HOTAIR: variants seen among roughly 807,000 people sequenced by gnomAD.
The protein encoded by HOTAIR is HOX transcript antisense RNA.
chr12:53,968,091 G>A (rs960233451), intron 2 of HOTAIR: 25 of 152,174 alleles, frequency 1.6e-4, no homozygotes, highest in African/African-American at 4.3e-4. Context: ...GCCCAGGCAG[G>A]AACACTTAAA....
chr12:53,962,894 A>G, exon 7 of HOTAIR: 1 of 152,324 alleles, frequency 6.6e-6, no homozygotes, highest in East Asian at 1.9e-4. Flanking sequence ...TCACTCCTGT[A>G]TGGAACAAGC....
At chr12:53,964,430 G>A (rs1939012953) in intron 5 of HOTAIR, 1 of 152,040 alleles carries the variant, frequency 6.6e-6, no homozygotes, top group Non-Finnish European at 1.5e-5. Flanking sequence ...GAGGGGGAAG[G>A]GAGAAATATG....
At position 53,973,745 on chromosome 12, in the gene HOTAIR, G is replaced by GC. The variant is rs1445303827; in HGVS notation, n.59+1152dup. 10 of 1,612,648 alleles carry GC rather than the reference G, an allele frequency of 6.2e-6. No individual in the cohort carries two copies. Among genetic ancestry groups the GC allele is most frequent in the African/African-American group, 1.3e-5 (1 of 74,934 alleles). On this transcript the variant is annotated intron_variant and non_coding_transcript_variant, in intron 1 of 6. Transcript: ENST00000424518. This position sits in a 1 kb window ranked among gnomAD's most constrained non-coding sequence, Gnocchi z 4.3. ...GCGGTGGCGGCGACCCGCCCGCCGA[G>GC]CCCCCCTGCTCCGGCAAGGGCGAGG...
chr12:53,971,885 G>A, intron 1 of HOTAIR, among the ~76,000 whole-genome samples: 1 of 152,218 alleles, frequency 6.6e-6, no homozygotes, highest in East Asian at 1.9e-4. Context: ...CTATCCAGGA[G>A]GCTGACAGAC....
At chr12:53,963,618 C>CG (rs1026187033) in exon 7 of HOTAIR, 34 of 152,430 alleles carry the variant, frequency 2.2e-4, no homozygotes, top group African/African-American at 8.2e-4. Flanking sequence ...CTCGGCTGAG[C>CG]GGGCGCGGCT....
chr12:53,971,161 G>C (rs548069830), intron 1 of HOTAIR, among the ~76,000 whole-genome samples: 4 of 152,138 alleles, frequency 2.6e-5, no homozygotes, highest in African/African-American at 7.2e-5. Flanking sequence ...AGAGGAAAAA[G>C]GAAACACAGC....
intron 2 of HOTAIR, chr12:53,968,223 C>T (rs1396124238): frequency 1.3e-5 from 2 of 152,230 alleles, no homozygotes; most frequent in African/African-American, 4.8e-5. Flanking sequence ...CTCGTGAACA[C>T]TCAGGCGTAC....
chr12:53,973,430 C>T lies in HOTAIR; in HGVS notation n.59+1468G>A. The T allele has an allele frequency of 6.2e-7, 1 of 1,614,218 alleles. No homozygotes were observed. Among genetic ancestry groups the T allele is most frequent in the Non-Finnish European group, 8.5e-7 (1 of 1,180,048 alleles). On this transcript the variant is annotated intron_variant and non_coding_transcript_variant, in intron 1 of 6. Coordinates refer to ENST00000424518, the Ensembl canonical transcript of HOTAIR. This position sits in a 1 kb window ranked among gnomAD's most constrained non-coding sequence, Gnocchi z 4.3. ...CCTCTCGTCAGATCTCCTATCCCTA[C>T]TCGGCCCAAGTGCCCCCGGTCCGGG...
At chr12:53,972,133 T>TC (rs939020445) in intron 1 of HOTAIR, among the ~76,000 whole-genome samples, 17 of 151,718 alleles carry the variant, frequency 1.1e-4, no homozygotes, top group African/African-American at 3.4e-4. Flanking sequence ...CCAAACCTAG[T>TC]CCCCCCCACC....
At chr12:53,974,634 C>A (rs1939219586) in intron 1 of HOTAIR, among the ~76,000 whole-genome samples, 1 of 151,560 alleles carries the variant, frequency 6.6e-6, no homozygotes, top group South Asian at 2.1e-4. Context: ...CCTAGAACTG[C>A]GGTGTGGAAG....
At chr12:53,967,500 A>G (rs11611276) in intron 2 of HOTAIR, 1 of 152,258 alleles carries the variant, frequency 6.6e-6, no homozygotes, top group South Asian at 2.1e-4. Context: ...CTAAGGTGAT[A>G]AGTGTCTCTG....
intron 1 of HOTAIR, among the ~76,000 whole-genome samples, chr12:53,974,443 T>A (rs74089843): frequency 0.027 from 4,102 of 152,128 alleles, 180 homozygotes; most frequent in African/African-American, 0.094. Context: ...AGGACCGCTA[T>A]GATCCTTCTT....
chr12:53,968,391 TAA>T (rs1302893957), intron 2 of HOTAIR: 3 of 152,130 alleles, frequency 2.0e-5, no homozygotes, highest in Non-Finnish European at 4.4e-5. Context: ...TACCCGGAGA[TAA>T]AAGTCTAGAC....
At chr12:53,964,118 C>G (rs894551180) in exon 7 of HOTAIR, 1 of 151,798 alleles carries the variant, frequency 6.6e-6, no homozygotes, top group Non-Finnish European at 1.5e-5. Flanking sequence ...GCTTAGGCCC[C>G]AACGAGCTTG....
At chr12:53,969,981 G>A (rs1169259761) in intron 1 of HOTAIR, among the ~76,000 whole-genome samples, 1 of 152,232 alleles carries the variant, frequency 6.6e-6, no homozygotes, top group Non-Finnish European at 1.5e-5. Context: ...GTAGAATTTA[G>A]GAGACACTGT....
chr12:53,969,247 T>C (rs1218423473), intron 1 of HOTAIR, among the ~76,000 whole-genome samples: 2 of 152,136 alleles, frequency 1.3e-5, no homozygotes, highest in Non-Finnish European at 2.9e-5. Context: ...GAGCATTTGG[T>C]GAGGGGGCCA....
intron 2 of HOTAIR, chr12:53,968,307 G>A (rs960285775): frequency 6.6e-6 from 1 of 152,228 alleles, no homozygotes; most frequent in East Asian, 1.9e-4. Flanking sequence ...TGGGGCCTGC[G>A]GGCAGGCACC....
At position 53,973,950 on chromosome 12, in the gene HOTAIR, C is replaced by G; in HGVS notation, n.59+948G>C. 7.0e-7 allele frequency: 1 copy of G among 1,427,328 alleles called. No individual in the cohort carries two copies. The highest frequency in any genetic ancestry group is 9.2e-7 in the Non-Finnish European group (1 of 1,088,642). 88.4% of individuals were successfully genotyped at this position (1,427,328 alleles called of 1,614,324 possible). A position where few individuals can be genotyped will look rare whatever the true frequency, so the allele number is the denominator to read the frequency against. ...TAGGTAGCAGCGGCCGGGGAACGGG[C>G]GGGCAGCGAGGGAGGGAGCGAGAGA... is the stretch of plus-strand genomic sequence containing the variant. On this transcript the variant is annotated intron_variant and non_coding_transcript_variant, in intron 1 of 6. Transcript: ENST00000424518. This position sits in a 1 kb window ranked among gnomAD's most constrained non-coding sequence, Gnocchi z 4.3.
exon 7 of HOTAIR, chr12:53,962,428 T>C (rs1439651541): frequency 6.6e-6 from 1 of 152,226 alleles, no homozygotes; most frequent in African/African-American, 2.4e-5. Flanking sequence ...CCATAAGGCA[T>C]ATAAAACCAG....
Sources: allele counts gnomAD v4.1 joint callset (sites outside exome capture counted in the v4.1 genomes callset), GRCh38; gene constraint gnomAD v4.1.1; non-coding constraint Gnocchi (gnomAD v3.1); transcripts MANE v1.5; gene names NCBI Gene and HGNC (gene_info 2026-07-23, HGNC 2026-07-21).